The following ADGRL2 variants were observed in gnomAD, a reference collection of about 807,000 sequenced individuals.
The protein encoded by ADGRL2 is calcium-independent alpha-latrotoxin receptor 2.
A neutral mutation model predicts 157.4 loss-of-function variants in ADGRL2; 44 were observed. The observed-to-expected ratio is 0.28, with a 90% CI of 0.22 to 0.36. ADGRL2 has a LOEUF of 0.36. ADGRL2 is among the 10% of genes least tolerant of loss of function. ADGRL2 has a pLI of 1.00. For synonymous variants in ADGRL2, 585 were observed against 624.7 expected (o/e 0.94, Z 0.95); for missense variants, 1,510 against 1,768.9 (o/e 0.85, Z 2.63).
chr1:81,789,608 C>T (rs1348811810), intron 2 of ADGRL2, among the ~76,000 whole-genome samples: 1 of 149,886 alleles, frequency 6.7e-6, no homozygotes, highest in Non-Finnish European at 1.5e-5. Context: ...CGCCTGTAAT[C>T]CCAACTACTT....
intron 1 of ADGRL2, among the ~76,000 whole-genome samples, chr1:81,700,774 A>G (rs1417590649): frequency 6.6e-6 from 1 of 152,230 alleles, no homozygotes; most frequent in East Asian, 1.9e-4. Context: ...TCTCTAAAAT[A>G]TTGCCGGATT....
intron 3 of ADGRL2, among the ~76,000 whole-genome samples, chr1:81,608,970 G>T (rs1570628242): frequency 6.6e-6 from 1 of 152,128 alleles, no homozygotes; most frequent in East Asian, 1.9e-4. Context: ...TCTCTTGAGA[G>T]GTTTACATTG....
chr1:81,427,522 G>A (rs2077240819), intron 1 of ADGRL2: 5 of 749,880 alleles, frequency 6.7e-6, no homozygotes, highest in Non-Finnish European at 1.2e-5. Context: ...ACCCATGTAA[G>A]GGGGCAGTTT....
At chr1:81,747,701 T>TTGTGTGTGTG (rs10556401) in intron 1 of ADGRL2, among the ~76,000 whole-genome samples, 137 of 147,354 alleles carry the variant, frequency 9.3e-4, no homozygotes, top group Middle Eastern at 3.5e-3. Flanking sequence ...CCTTTAATGT[T>TTGTGTGTGTG]TGTGTGTGTG....
At chr1:81,957,441 A>G (rs368558192) in intron 11 of ADGRL2, among the ~76,000 whole-genome samples, 2 of 152,202 alleles carry the variant, frequency 1.3e-5, no homozygotes, top group Non-Finnish European at 2.9e-5. Flanking sequence ...GCTCATGCCT[A>G]TAATCCCAGC....
At chr1:81,676,305 G>T (rs755362557) in intron 3 of ADGRL2, among the ~76,000 whole-genome samples, 1 of 151,964 alleles carries the variant, frequency 6.6e-6, no homozygotes, top group Non-Finnish European at 1.5e-5. Flanking sequence ...CACCGCGCCC[G>T]GCCTGTTTTG....
In ADGRL2 at chr1:81,568,491, G is replaced by T. The variant is rs138144418; in HGVS notation, c.-247-12385G>T. Reference sequence around the variant, plus strand: ...TCACTGGATTAAACTTGTAGAGAATGATGAAAGCTAAATTCGTGTATATAC... The same window carrying T: ...TCACTGGATTAAACTTGTAGAGAATTATGAAAGCTAAATTCGTGTATATAC... On this transcript the variant is annotated intron_variant, in intron 2 of 24. Transcript: ENST00000370721. 3.1e-3 allele frequency among the ~76,000 whole-genome samples: 466 copies of T among 152,238 alleles called. 4 individuals carry two copies. Among genetic ancestry groups the T allele is most frequent in the African/African-American group, 0.011 (444 of 41,554 alleles).
chr1:81,775,071 T>C (rs904612368), intron 2 of ADGRL2, among the ~76,000 whole-genome samples: 1 of 152,144 alleles, frequency 6.6e-6, no homozygotes, highest in African/African-American at 2.4e-5. Flanking sequence ...CATATCGATA[T>C]AAATTGTGTG....
Position 81,903,715 on chromosome 1 carries a change from T to TTTTA in ADGRL2, c.74-3301_74-3300insTTAT, listed in dbSNP as rs2094529479. Reference sequence around the variant, plus strand: ...TTTTTAAAGAATATATATATATTCATTATATATATATATACATTATATATA... The same window carrying TTTTA: ...TTTTTAAAGAATATATATATATTCATTTTATATATATATATATACATTATATATA... On this transcript the variant is annotated intron_variant, in intron 2 of 23. Transcript: ENST00000686636. Among the ~76,000 whole-genome samples, 8 of 145,164 alleles carry TTTTA rather than the reference T, an allele frequency of 5.5e-5. No individual in the cohort carries two copies. The South Asian group carries it at 1.5e-3, about 27-fold the overall frequency.
upstream of ADGRL2, among the ~76,000 whole-genome samples, chr1:81,798,650 T>A (rs2087712419): frequency 6.6e-6 from 1 of 152,176 alleles, no homozygotes; most frequent in Non-Finnish European, 1.5e-5. Context: ...ATATTGTCTC[T>A]TTAAGAATAC....
At chr1:81,333,189 C>T (rs1312631332) in intron 1 of ADGRL2, among the ~76,000 whole-genome samples, 1 of 152,080 alleles carries the variant, frequency 6.6e-6, no homozygotes, top group African/African-American at 2.4e-5. Context: ...CACAGAGGGA[C>T]CCAAAGAGAA....
At chr1:81,750,234 A>C (rs2085445447) in intron 1 of ADGRL2, among the ~76,000 whole-genome samples, 2 of 152,252 alleles carry the variant, frequency 1.3e-5, no homozygotes, top group African/African-American at 2.4e-5. Context: ...ATGTGTGAAC[A>C]GAGAGCCTCA....
intron 2 of ADGRL2, among the ~76,000 whole-genome samples, chr1:81,492,459 C>G (rs572922895): frequency 3.3e-5 from 5 of 152,184 alleles, no homozygotes; most frequent in Middle Eastern, 6.8e-3. Flanking sequence ...TAATGACAGT[C>G]TATTGACTGA....
At chr1:81,483,394 A>G (rs12142040) in intron 2 of ADGRL2, among the ~76,000 whole-genome samples, 88,155 of 152,088 alleles carry the variant, frequency 0.58, 28,244 homozygotes, top group Non-Finnish European at 0.72. Context: ...TTAGCAACAT[A>G]GAAGTATATT....
At chr1:81,591,477 G>A (rs941845678) in intron 3 of ADGRL2, among the ~76,000 whole-genome samples, 1 of 152,142 alleles carries the variant, frequency 6.6e-6, no homozygotes, top group African/African-American at 2.4e-5. Context: ...ATGCTAATGA[G>A]GTTTTCTGAC....
chr1:81,950,216 C>T lies in ADGRL2; in HGVS notation c.1238C>T (p.Ser413Phe), dbSNP rs1199781519. The change falls in exon 7 of 24, where the codon TCT (serine) becomes TTT (phenylalanine). Residue 413 changes from serine (S) to phenylalanine (F), a missense_variant. Ser to Phe is a radical substitution (Grantham distance 155, BLOSUM62 -2). Around this residue, in one of 4 missense-constraint regions of ADGRL2, gnomAD observed 325 missense variants for 333.2 expected, o/e 0.98. Transcript: ENST00000686636. ...QVPTTAVTIT[S>F]SAELFKTIIS... is the part of the protein sequence containing the mutation. ...CCTACCACAGCTGTGACAATAACTT[C>T]TTCAGCTGAGCTGTTCAAAACCATA... 1.9e-6 allele frequency: 3 copies of T among 1,613,840 alleles called. No individual in the cohort carries two copies. In the African/African-American group the frequency reaches 4.0e-5, roughly 22 times the overall value.
chr1:81,427,216 A>G (rs2077233899), intron 1 of ADGRL2: 11 of 788,070 alleles, frequency 1.4e-5, no homozygotes, highest in Non-Finnish European at 2.3e-6. Context: ...ACTTTGGTGG[A>G]AGAGGAGGCT....
chr1:81,373,566 G>T (rs2076196515), intron 1 of ADGRL2, among the ~76,000 whole-genome samples: 1 of 152,124 alleles, frequency 6.6e-6, no homozygotes, highest in Non-Finnish European at 1.5e-5. Flanking sequence ...GTTCATCAGG[G>T]AAATATAACT....
At chr1:81,930,733 A>C (rs1428412277) in intron 3 of ADGRL2, among the ~76,000 whole-genome samples, 1 of 152,232 alleles carries the variant, frequency 6.6e-6, no homozygotes, top group Non-Finnish European at 1.5e-5. Context: ...CAGCTTTTAC[A>C]GATGCATATT....
Sources: gnomAD v4.1 joint callset for allele counts (sites outside exome capture counted in the v4.1 genomes callset) on GRCh38, gnomAD v4.1.1 for gene constraint, gnomAD v4.1.1 regional missense constraint, MANE v1.5 for transcripts, NCBI Gene and HGNC (gene_info 2026-07-23, HGNC 2026-07-21) for gene names.